ZNF503: variants seen among roughly 807,000 people sequenced by gnomAD.
The protein encoded by ZNF503 is zinc finger protein 503.
In ZNF503, 15 loss-of-function variants were observed where a neutral mutation model predicts 34.4. That is an observed-to-expected ratio of 0.44 (90% CI 0.29 to 0.67). The LOEUF is 0.67. Among genes scored for constraint, ZNF503 ranks in the 30% least tolerant of loss-of-function variants. The pLI is 0.13. For missense variants in ZNF503, 1,007 were observed against 926.8 expected (o/e 1.09, Z -1.12); for synonymous variants, 580 against 456.8 (o/e 1.27, Z -3.44).
the ZNF503 span, among the ~76,000 whole-genome samples, chr10:75,328,392 C>T: frequency 6.6e-6 from 1 of 152,158 alleles, no homozygotes; most frequent in Non-Finnish European, 1.5e-5. Flanking sequence ...TGTTGAAAAT[C>T]AGTTGGCTGT....
At chr10:75,377,564 G>A in the ZNF503 span, among the ~76,000 whole-genome samples, 2 of 152,174 alleles carry the variant, frequency 1.3e-5, no homozygotes, top group African/African-American at 2.4e-5. Flanking sequence ...CATGTAAGCC[G>A]AGGTGGGGTC....
the ZNF503 span, among the ~76,000 whole-genome samples, chr10:75,370,604 C>G: frequency 6.6e-6 from 1 of 151,788 alleles, no homozygotes; most frequent in East Asian, 1.9e-4. Flanking sequence ...CATGGTGAAA[C>G]CCTGTCTCTA....
the ZNF503 span, among the ~76,000 whole-genome samples, chr10:75,374,673 T>A: frequency 2.6e-5 from 4 of 152,234 alleles, no homozygotes; most frequent in African/African-American, 9.6e-5. Context: ...GTTTCTTTAT[T>A]CACTGCTTGT....
chr10:75,365,053 C>T, the ZNF503 span, among the ~76,000 whole-genome samples: 1 of 152,232 alleles, frequency 6.6e-6, no homozygotes, highest in African/African-American at 2.4e-5. Context: ...TAACCTGAGA[C>T]AGACCATGGG....
chr10:75,340,246 A>G, the ZNF503 span, among the ~76,000 whole-genome samples: 2 of 152,166 alleles, frequency 1.3e-5, no homozygotes, highest in Non-Finnish European at 2.9e-5. Context: ...ACCCTGTCTC[A>G]AAATAACAAC....
chr10:75,378,353 C>T, the ZNF503 span, among the ~76,000 whole-genome samples: 91 of 152,250 alleles, frequency 6.0e-4, no homozygotes, highest in African/African-American at 2.0e-3. Context: ...GATGGCTGGG[C>T]GAAGGTAGGC....
chr10:75,390,165 G>A, the ZNF503 span, among the ~76,000 whole-genome samples: 2 of 152,078 alleles, frequency 1.3e-5, no homozygotes, highest in Non-Finnish European at 2.9e-5. Flanking sequence ...CCAAAGTGCT[G>A]GGATTACAGG....
At chr10:75,361,689 C>A in the ZNF503 span, 1 of 152,166 alleles carries the variant, frequency 6.6e-6, no homozygotes, top group Admixed American at 6.5e-5. Context: ...AATTTCTTTT[C>A]AGATGTGTGT....
chr10:75,332,949 G>A, the ZNF503 span, among the ~76,000 whole-genome samples: 99 of 143,364 alleles, frequency 6.9e-4, 1 homozygote, highest in East Asian at 2.3e-3. Context: ...ATTCCACAAA[G>A]CCGCCATTGT....
chr10:75,284,863 G>A, the ZNF503 span, among the ~76,000 whole-genome samples: 3 of 152,198 alleles, frequency 2.0e-5, no homozygotes, highest in Non-Finnish European at 4.4e-5. Context: ...TAAAGCAAGA[G>A]CTAAAGAAAT....
the ZNF503 span, chr10:75,382,905 C>A: frequency 4.1e-6 from 1 of 243,910 alleles, no homozygotes. Context: ...GCCGCTGGTC[C>A]AGCTTACTTC....
the ZNF503 span, among the ~76,000 whole-genome samples, chr10:75,317,925 A>G: frequency 1.2e-3 from 176 of 151,952 alleles, 4 homozygotes; most frequent in East Asian, 0.026. Context: ...GAACCCAAGA[A>G]GTGGAGGTTG....
the ZNF503 span, among the ~76,000 whole-genome samples, chr10:75,293,325 C>T: frequency 6.6e-6 from 1 of 152,134 alleles, no homozygotes; most frequent in Non-Finnish European, 1.5e-5. Flanking sequence ...AGGGCAAGGT[C>T]ATTGTGGGCC....
At chr10:75,296,566 A>T in the ZNF503 span, 1 of 152,194 alleles carries the variant, frequency 6.6e-6, no homozygotes, top group Non-Finnish European at 1.5e-5. Flanking sequence ...TTCAAGAGGA[A>T]ATCTTGTGTT....
chr10:75,368,112 TTGAGCTA>T, the ZNF503 span, among the ~76,000 whole-genome samples: 2 of 152,186 alleles, frequency 1.3e-5, no homozygotes, highest in African/African-American at 4.8e-5. Flanking sequence ...CCCCATGTCC[TTGAGCTA>T]CAAATCATTC....
the ZNF503 span, among the ~76,000 whole-genome samples, chr10:75,303,702 A>T: frequency 6.6e-6 from 1 of 152,068 alleles, no homozygotes; most frequent in Non-Finnish European, 1.5e-5. Flanking sequence ...TTGATCACCC[A>T]CTTGTGTCAG....
Position 75,400,002 on chromosome 10 carries a change from T to A in ZNF503, c.688A>T (p.Ser230Cys). The stretch of plus-strand genomic sequence containing the variant: ...GGCGAGCAGGCCGAGGCGCTGGAGC[T>A]CGGGCTGCCTGTCCTGGGCGTGAAT... ...QPFTPRTGSP[S>C]SSASACSPGG... is the part of the protein sequence containing the mutation. Residue 230 changes from serine (S) to cysteine (C), a missense_variant, in exon 2 of 2, where the codon AGC (serine) becomes TGC (cysteine). By Grantham distance (112) the Ser-to-Cys change is moderately radical. Coordinates refer to ENST00000372524, the MANE Select transcript of ZNF503 (RefSeq NM_032772.6). 6.2e-7 allele frequency: 1 copy of A among 1,604,700 alleles called. No individual in the cohort carries two copies. Among genetic ancestry groups the A allele is most frequent in the Non-Finnish European group, 8.5e-7 (1 of 1,178,984 alleles).
the ZNF503 span, among the ~76,000 whole-genome samples, chr10:75,385,000 C>G: frequency 6.6e-6 from 1 of 152,228 alleles, no homozygotes; most frequent in Non-Finnish European, 1.5e-5. Context: ...TCCCAGTTCT[C>G]TGCTACCAGA....
chr10:75,311,574 A>G, the ZNF503 span, among the ~76,000 whole-genome samples: 2 of 151,134 alleles, frequency 1.3e-5, no homozygotes, highest in African/African-American at 2.4e-5. Context: ...GTGTAATCCC[A>G]GCTGTTTGGG....
Sources: gnomAD v4.1 joint callset for allele counts (sites outside exome capture counted in the v4.1 genomes callset) on GRCh38, gnomAD v4.1.1 for gene constraint, MANE v1.5 for transcripts, NCBI Gene and HGNC (gene_info 2026-07-23, HGNC 2026-07-21) for gene names.